STAT5B: variants seen among roughly 807,000 people sequenced by gnomAD.
The protein encoded by STAT5B is transcription factor STAT5B.
A neutral mutation model predicts 107.8 loss-of-function variants in STAT5B; 21 were observed. That is an observed-to-expected ratio of 0.19 (90% confidence interval 0.14 to 0.28). The LOEUF (loss-of-function observed/expected upper bound fraction) is 0.28. Ranked by LOEUF, STAT5B falls within the 10% of genes least tolerant of loss-of-function variation. STAT5B has a pLI of 1.00. For synonymous variants in STAT5B, 325 were observed against 401.7 expected (o/e 0.81, Z 2.28); for missense variants, 565 against 1,008.2 (o/e 0.56, Z 5.95).
chr17:42,284,455 C>CG, the STAT5B span, among the ~76,000 whole-genome samples: 1 of 152,022 alleles, frequency 6.6e-6, no homozygotes, highest in African/African-American at 2.4e-5. Flanking sequence ...TTAGTAGAGA[C>CG]GGGGTTTCAC....
chr17:42,236,474 C>G (rs1335565264), intron 1 of STAT5B, among the ~76,000 whole-genome samples: 1 of 152,246 alleles, frequency 6.6e-6, no homozygotes, highest in Non-Finnish European at 1.5e-5. Flanking sequence ...CGGAGTCTCA[C>G]TCTGTCGCCT....
chr17:42,225,200 G>T (rs2080263178), intron 3 of STAT5B, among the ~76,000 whole-genome samples: 2 of 151,990 alleles, frequency 1.3e-5, no homozygotes, highest in South Asian at 4.2e-4. Flanking sequence ...GATTACAGGG[G>T]CCCGCCACCA....
chr17:42,251,981 A>G (rs1184529700), intron 1 of STAT5B, among the ~76,000 whole-genome samples: 1 of 150,888 alleles, frequency 6.6e-6, no homozygotes, highest in Non-Finnish European at 1.5e-5. Context: ...CCTGGGTGAC[A>G]GAGCAAGGCT....
At chr17:42,287,392 C>A in the STAT5B span, among the ~76,000 whole-genome samples, 1 of 151,592 alleles carries the variant, frequency 6.6e-6, no homozygotes. Flanking sequence ...GCTGGGCTGG[C>A]CCCTCCTCTG....
chr17:42,267,369 T>C (rs1185716779), intron 1 of STAT5B, among the ~76,000 whole-genome samples: 1 of 152,186 alleles, frequency 6.6e-6, no homozygotes, highest in Non-Finnish European at 1.5e-5. Context: ...GCTCCATATG[T>C]GTTACTGCCC....
chr17:42,274,421 G>C (rs537248751), intron 1 of STAT5B, among the ~76,000 whole-genome samples: 2 of 151,978 alleles, frequency 1.3e-5, no homozygotes, highest in Non-Finnish European at 2.9e-5. Flanking sequence ...CCAAGGTGTG[G>C]ACTTGTTTGA....
chr17:42,207,981 A>G (rs2080099740), intron 15 of STAT5B, among the ~76,000 whole-genome samples: 2 of 152,064 alleles, frequency 1.3e-5, no homozygotes, highest in African/African-American at 4.8e-5. Context: ...TGCAACCTCC[A>G]ACTCCCTGGT....
At chr17:42,240,431 C>T (rs1437594613) in intron 1 of STAT5B, among the ~76,000 whole-genome samples, 2 of 152,018 alleles carry the variant, frequency 1.3e-5, no homozygotes, top group African/African-American at 2.4e-5. Context: ...ATGAAATATC[C>T]GGAATAGGCA....
chr17:42,217,336 G>A (rs1428025673), intron 10 of STAT5B, 41 bp downstream of exon 10: 6 of 1,614,082 alleles, frequency 3.7e-6, no homozygotes, highest in Non-Finnish European at 5.1e-6. Context: ...TCCCCTCAAA[G>A]ACCAGGGAAA....
At chr17:42,274,859 A>C (rs1051503246) in intron 1 of STAT5B, 17 of 152,214 alleles carry the variant, frequency 1.1e-4, no homozygotes, top group African/African-American at 3.6e-4. Flanking sequence ...CTGAAAGCTT[A>C]TTATGGCCCA....
At chr17:42,230,074 G>A (rs2080305375) in intron 2 of STAT5B, among the ~76,000 whole-genome samples, 1 of 152,066 alleles carries the variant, frequency 6.6e-6, no homozygotes, top group African/African-American at 2.4e-5. Context: ...CAGAAAACAG[G>A]AGAGAAAATG....
chr17:42,248,140 G>C (rs1290706804), intron 1 of STAT5B, among the ~76,000 whole-genome samples: 2 of 151,902 alleles, frequency 1.3e-5, no homozygotes, highest in Non-Finnish European at 2.9e-5. Context: ...AGCCCAGTGT[G>C]GTGGCGCATG....
chr17:42,222,737 A>G (rs932656991), intron 5 of STAT5B, among the ~76,000 whole-genome samples: 1 of 148,886 alleles, frequency 6.7e-6, no homozygotes, highest in African/African-American at 2.5e-5. Flanking sequence ...GCTGGAGTGC[A>G]ATGGTGAGAT....
intron 1 of STAT5B, among the ~76,000 whole-genome samples, chr17:42,243,994 A>C (rs936281294): frequency 3.3e-5 from 5 of 151,666 alleles, no homozygotes; most frequent in South Asian, 2.1e-4. Flanking sequence ...CTGTAGCCCA[A>C]AATTAATGAC....
chr17:42,280,660 T>C (rs1335190758), upstream of STAT5B, among the ~76,000 whole-genome samples: 4 of 151,700 alleles, frequency 2.6e-5, no homozygotes, highest in African/African-American at 7.3e-5. Flanking sequence ...GTGGAGAAGG[T>C]ATAGGATGCT....
At chr17:42,239,542 C>G (rs996108061) in intron 1 of STAT5B, among the ~76,000 whole-genome samples, 3 of 151,894 alleles carry the variant, frequency 2.0e-5, no homozygotes, top group Admixed American at 2.0e-4. Context: ...TATTATTATC[C>G]CCCATCCAGA....
the STAT5B span, among the ~76,000 whole-genome samples, chr17:42,283,691 G>A: frequency 3.9e-5 from 6 of 152,212 alleles, no homozygotes; most frequent in African/African-American, 1.2e-4. Context: ...CCAAGCTCCG[G>A]CAGCTCCTTC....
At chr17:42,279,482 C>T (rs1010883785), upstream of STAT5B, among the ~76,000 whole-genome samples, 3 of 152,240 alleles carry the variant, frequency 2.0e-5, no homozygotes, top group East Asian at 1.9e-4. Flanking sequence ...AGCCACAGGG[C>T]GCTAGTTTAA....
chr17:42,229,213 G>A lies in STAT5B; in HGVS notation c.129-1528C>T, dbSNP rs184800322. Among the ~76,000 whole-genome samples, 454 of 152,096 alleles carry A rather than the reference G, an allele frequency of 3.0e-3. 8 individuals are homozygous for A. Among genetic ancestry groups the A allele is most frequent in the Admixed American group, 0.027 (405 of 15,262 alleles). On this transcript the variant is annotated intron_variant, in intron 2 of 18. Transcript: ENST00000293328. ...CACCCAGGCTGGGATGCAGTAGCAC[G>A]ATCTTAGCTCACTGCAACCTCTGCC...
Sources: gnomAD v4.1 joint callset for allele counts (sites outside exome capture counted in the v4.1 genomes callset) on GRCh38, gnomAD v4.1.1 for gene constraint, MANE v1.5 for transcripts, NCBI Gene and HGNC (gene_info 2026-07-23, HGNC 2026-07-21) for gene names.